The following PDGFC variants were observed in gnomAD, a reference collection of about 807,000 sequenced individuals.
PDGFC encodes the protein platelet derived growth factor C.
Under a neutral mutation model 35.5 loss-of-function variants are expected in PDGFC, and 12 were observed. The observed-to-expected ratio is 0.34, with a 90% CI of 0.22 to 0.55. The LOEUF is 0.55. Ranked by LOEUF, PDGFC falls within the 20% of genes least tolerant of loss-of-function variation. The pLI, the probability that PDGFC is intolerant of heterozygous loss-of-function variation, is 0.91. For synonymous variants in PDGFC, 159 were observed against 148.8 expected, an observed-to-expected ratio of 1.07 and a Z score of -0.50; for missense variants, 322 against 412.4, an observed-to-expected ratio of 0.78 and a Z score of 1.90.
intron 3 of PDGFC, among the ~76,000 whole-genome samples, chr4:156,788,987 G>A (rs1248632008): frequency 1.3e-5 from 2 of 152,164 alleles, no homozygotes; most frequent in African/African-American, 4.8e-5. Context: ...TGGGTTTTGA[G>A]TATAGAATTA....
chr4:156,920,485 C>T (rs796442547), intron 1 of PDGFC, among the ~76,000 whole-genome samples: 9 of 152,274 alleles, frequency 5.9e-5, no homozygotes, highest in African/African-American at 2.2e-4. Flanking sequence ...TCCTCTCTCC[C>T]AACCTCTGCA....
chr4:156,782,304 A>AAATCTTTATATG (rs1252354370), intron 3 of PDGFC, among the ~76,000 whole-genome samples: 1 of 152,278 alleles, frequency 6.6e-6, no homozygotes, highest in East Asian at 1.9e-4. Flanking sequence ...TTTGCCTATA[A>AAATCTTTATATG]AATCTTTATA....
intron 1 of PDGFC, among the ~76,000 whole-genome samples, chr4:156,862,696 A>T (rs1429419247): frequency 6.6e-6 from 1 of 151,678 alleles, no homozygotes; most frequent in African/African-American, 2.4e-5. Flanking sequence ...ACTTTGCCCA[A>T]ATGAATACAA....
intron 1 of PDGFC, among the ~76,000 whole-genome samples, chr4:156,897,449 C>T (rs374713941): frequency 3.3e-5 from 5 of 150,950 alleles, no homozygotes; most frequent in South Asian, 4.2e-4. Flanking sequence ...TTCTGCCCTC[C>T]CTCTCTCTAC....
chr4:156,936,874 T>G (rs1472460348), intron 1 of PDGFC, among the ~76,000 whole-genome samples: 1 of 152,256 alleles, frequency 6.6e-6, no homozygotes, highest in African/African-American at 2.4e-5. Context: ...AAAACAGATC[T>G]TGGAAAACAT....
chr4:156,929,022 G>C (rs1245165320), intron 1 of PDGFC, among the ~76,000 whole-genome samples: 1 of 152,186 alleles, frequency 6.6e-6, no homozygotes, highest in Admixed American at 6.5e-5. Flanking sequence ...GGAATACTTA[G>C]AAACAATCTC....
intron 1 of PDGFC, among the ~76,000 whole-genome samples, chr4:156,873,506 T>C (rs116232460): frequency 0.014 from 2,090 of 152,316 alleles, 20 homozygotes; most frequent in Non-Finnish European, 0.022. Flanking sequence ...TTAATAAATA[T>C]TCAGTATACA....
Position 156,772,712 on chromosome 4 carries a change from G to A in PDGFC, c.677C>T (p.Ala226Val). The A allele has an allele frequency of 6.2e-7, 1 of 1,613,028 alleles. No individual in the cohort carries two copies. The highest frequency in any genetic ancestry group is 8.5e-7 in the Non-Finnish European group (1 of 1,179,242). The change falls in exon 4 of 6, where the codon GCT (alanine) becomes GTT (valine). Residue 226 changes from alanine to valine, a missense_variant. By Grantham distance (64) the Ala-to-Val change is moderately conservative (BLOSUM62 0). This residue lies in a region of PDGFC where 202 missense variants were observed against 295.9 expected (regional missense o/e 0.68). Coordinates refer to ENST00000502773, the MANE Select transcript of PDGFC (RefSeq NM_016205.3). ...YRPTWQLLGK[A>V]FVFGRKSRVV... ...TCTGGATTTTCTTCCAAAAACAAAA[G>A]CCTTGCCAAGAAGTTGCCAAGTTGG...
intron 2 of PDGFC, among the ~76,000 whole-genome samples, chr4:156,849,065 A>G (rs1462553885): frequency 6.6e-6 from 1 of 152,058 alleles, no homozygotes; most frequent in Non-Finnish European, 1.5e-5. Context: ...ATGTTTATAT[A>G]TAAAAAAAGA....
chr4:156,762,756 C>G lies in PDGFC; in HGVS notation c.*334G>C, dbSNP rs935048541. On this transcript the variant is annotated 3_prime_UTR_variant, in exon 6 of 6. Transcript: ENST00000502773. ...TTCCTGTACTGACATTACCCTAAGC[C>G]GTATCGAAAGAACTGAAATACAGAA... 1 of 190,268 alleles carries G rather than the reference C, an allele frequency of 5.3e-6. No individual in the cohort carries two copies. The highest frequency in any genetic ancestry group is 2.3e-5 in the African/African-American group (1 of 43,064). The allele number at this position is 190,268 out of a possible 1,614,324, so 11.8% of individuals were successfully genotyped here. A position where few individuals can be genotyped will look rare whatever the true frequency, so the allele number is the denominator to read the frequency against.
chr4:156,818,834 A>T (rs1473306864), intron 2 of PDGFC, among the ~76,000 whole-genome samples: 1 of 152,150 alleles, frequency 6.6e-6, no homozygotes, highest in African/African-American at 2.4e-5. Flanking sequence ...AAAGTGAGAG[A>T]CAGTGACTCT....
chr4:156,953,952 A>T (rs1390328506), intron 1 of PDGFC, among the ~76,000 whole-genome samples: 1 of 151,988 alleles, frequency 6.6e-6, no homozygotes, highest in Non-Finnish European at 1.5e-5. Flanking sequence ...TCAAATATGA[A>T]TATAAATTAA....
At chr4:156,773,771 T>G (rs1730748759) in intron 3 of PDGFC, 1 of 152,242 alleles carries the variant, frequency 6.6e-6, no homozygotes, top group Non-Finnish European at 1.5e-5. Flanking sequence ...CTGCTCTGCC[T>G]GCAGAAGTTA....
chr4:156,967,531 C>T (rs1019063400), intron 1 of PDGFC: 2 of 152,114 alleles, frequency 1.3e-5, no homozygotes, highest in African/African-American at 2.4e-5. Context: ...AAAAATGATA[C>T]GCATGCTCTT....
At chr4:156,940,151 T>C (rs901584117) in intron 1 of PDGFC, among the ~76,000 whole-genome samples, 21 of 152,122 alleles carry the variant, frequency 1.4e-4, no homozygotes, top group African/African-American at 4.8e-4. Flanking sequence ...AAGAACCATA[T>C]TGAAATCTAC....
At chr4:156,766,178 A>G (rs1730522038) in intron 5 of PDGFC, among the ~76,000 whole-genome samples, 2 of 152,130 alleles carry the variant, frequency 1.3e-5, no homozygotes, top group African/African-American at 4.8e-5. Flanking sequence ...CTAATAGAGT[A>G]CCTTTGAAGC....
chr4:156,810,988 C>T lies in PDGFC; in HGVS notation c.344G>A (p.Ser115Asn), dbSNP rs910536904. 3.8e-6 allele frequency: 6 copies of T among 1,588,016 alleles called. No individual in the cohort carries two copies. Among genetic ancestry groups the T allele is most frequent in the Admixed American group, 1.9e-5 (1 of 52,292 alleles). Residue 115 changes from serine to asparagine, a missense_variant, in exon 3 of 6, where the codon AGT becomes AAT. Ser to Asn is a conservative substitution (Grantham distance 46). Transcript: ENST00000502773. ...CCAGCGCCCTAATATAGTTCCATCA[C>T]TGGGTTCCTCAACTTCTACAAAATC... ...KYDFVEVEEP[S>N]DGTILGRWCG...
chr4:156,902,481 A>T (rs1244379821), intron 1 of PDGFC, among the ~76,000 whole-genome samples: 2 of 152,172 alleles, frequency 1.3e-5, no homozygotes, highest in Non-Finnish European at 2.9e-5. Flanking sequence ...TGTTAACTCT[A>T]ACATGTGTAC....
intron 3 of PDGFC, among the ~76,000 whole-genome samples, chr4:156,809,471 A>G (rs1327572258): frequency 1.3e-5 from 2 of 152,022 alleles, no homozygotes; most frequent in Non-Finnish European, 2.9e-5. Context: ...TATACAGTGA[A>G]TCCTGTATTA....
Sources: allele counts gnomAD v4.1 joint callset (sites outside exome capture counted in the v4.1 genomes callset), GRCh38; gene constraint gnomAD v4.1.1; regional missense constraint gnomAD v4.1.1; transcripts MANE v1.5; gene names NCBI Gene and HGNC (gene_info 2026-07-23, HGNC 2026-07-21).